PGLYRP4: variants seen among roughly 807,000 people sequenced by gnomAD.
The protein encoded by PGLYRP4 is peptidoglycan recognition protein 4.
In PGLYRP4, 39 loss-of-function variants were observed where a neutral mutation model predicts 41.2. The observed-to-expected ratio is 0.95, with a 90% confidence interval of 0.73 to 1.24. The LOEUF (loss-of-function observed/expected upper bound fraction) is 1.24. Ranked by LOEUF, PGLYRP4 falls within the 50% of genes most tolerant of loss-of-function variation. The pLI is 0.00. For synonymous variants in PGLYRP4, 202 were observed against 186.8 expected (o/e 1.08, Z -0.66); for missense variants, 467 against 460.7 (o/e 1.01, Z -0.13).
chr1:153,337,905 C>T (rs1167323352), intron 7 of PGLYRP4, among the ~76,000 whole-genome samples: 1 of 152,196 alleles, frequency 6.6e-6, no homozygotes, highest in South Asian at 2.1e-4. Flanking sequence ...TAGCTTCCAT[C>T]ACACCACACT....
chr1:153,339,217 C>G (rs1368850439), intron 7 of PGLYRP4, among the ~76,000 whole-genome samples: 1 of 152,192 alleles, frequency 6.6e-6, no homozygotes, highest in Non-Finnish European at 1.5e-5. Flanking sequence ...TTTAGGCTTT[C>G]CAAATTTACA....
chr1:153,334,945 C>T (rs1382184270), intron 8 of PGLYRP4, among the ~76,000 whole-genome samples: 1 of 152,112 alleles, frequency 6.6e-6, no homozygotes, highest in Non-Finnish European at 1.5e-5. Context: ...CGAAAACATA[C>T]ACCAGGGAAA....
chr1:153,339,302 G>T (rs911689952), intron 7 of PGLYRP4, among the ~76,000 whole-genome samples: 21 of 152,234 alleles, frequency 1.4e-4, no homozygotes, highest in Non-Finnish European at 2.6e-4. Context: ...ACCTAGCAAA[G>T]CACTTGGTAG....
chr1:153,332,184 G>C (rs1483504334), intron 8 of PGLYRP4, among the ~76,000 whole-genome samples: 1 of 151,650 alleles, frequency 6.6e-6, no homozygotes, highest in East Asian at 1.9e-4. Flanking sequence ...AAGTAAAACA[G>C]ACTTTAAGTC....
chr1:153,337,420 G>A, intron 7 of PGLYRP4, 121 bp from the exon 8 acceptor site: 1 of 647,450 alleles, frequency 1.5e-6, no homozygotes, highest in East Asian at 2.8e-5. Context: ...TGGATTCTAA[G>A]CACTGGGTTA....
chr1:153,341,855 T>C, intron 5 of PGLYRP4, 76 bp from the exon 6 acceptor site: 1 of 1,452,618 alleles, frequency 6.9e-7, no homozygotes, highest in Non-Finnish European at 9.4e-7. Context: ...GAGAAGATGC[T>C]CTGCCAGCCC....
Position 153,345,348 on chromosome 1 carries a change from G to T in PGLYRP4, c.174C>A (p.Arg58=), listed in dbSNP as rs1660962539. The T allele has an allele frequency of 1.2e-6, 2 of 1,614,190 alleles. No homozygotes were observed. The highest frequency in any genetic ancestry group is 8.5e-7 in the Non-Finnish European group (1 of 1,180,020). Residue 58 remains arginine, a synonymous_variant, in exon 4 of 9, where the codon CGC becomes CGA. Coordinates refer to ENST00000359650, the MANE Select transcript of PGLYRP4 (RefSeq NM_020393.4). ...CAACAGCTTCTGCCCCCCATGCCTTGCGAGAGACCGTGGTGGAGACATCTG... is the reference window on the plus strand; with the variant it reads ...CAACAGCTTCTGCCCCCCATGCCTTTCGAGAGACCGTGGTGGAGACATCTG... ...LPTDVSTTVS[R]KAWGAEAVGC...
At chr1:153,334,467 T>TA (rs59324815) in intron 8 of PGLYRP4, among the ~76,000 whole-genome samples, 54,480 of 140,928 alleles carry the variant, frequency 0.39, 10,899 homozygotes, top group Non-Finnish European at 0.44. Context: ...TATATATTTA[T>TA]TTATATATAT....
At chr1:153,337,328 C>A in intron 7 of PGLYRP4, 29 bp from the exon 8 acceptor site, 1 of 1,330,376 alleles carries the variant, frequency 7.5e-7, no homozygotes, top group Non-Finnish European at 1.1e-6. Flanking sequence ...AGATGGAGAC[C>A]AGCATGAAAT....
chr1:153,331,664 AG>A (rs10707075), intron 8 of PGLYRP4: 64,543 of 151,830 alleles, frequency 0.43, 14,484 homozygotes, highest in Non-Finnish European at 0.51. Flanking sequence ...GGAATGATAC[AG>A]AGAAGATTAG....
chr1:153,344,743 C>A (rs1660931627), intron 4 of PGLYRP4, among the ~76,000 whole-genome samples: 1 of 152,154 alleles, frequency 6.6e-6, no homozygotes, highest in Non-Finnish European at 1.5e-5. Context: ...ATGAAGAGAG[C>A]CAGTTTAGGC....
At chr1:153,346,433 G>A (rs1454655230) in intron 2 of PGLYRP4, among the ~76,000 whole-genome samples, 3 of 151,230 alleles carry the variant, frequency 2.0e-5, no homozygotes, top group Non-Finnish European at 2.9e-5. Context: ...AGTTGGAAAT[G>A]TTATCCTTTT....
In PGLYRP4 at chr1:153,340,420, A is replaced by G; in HGVS notation, c.785T>C (p.Phe262Ser). ...CRLLVRDIQS[F>S]YIDRLKSCDI... ...GCATGACTTGAGCCTGTCTATGTAGAAAGACTGGATGTCCCGGACCAGCAG... is the reference window on the plus strand; with the variant it reads ...GCATGACTTGAGCCTGTCTATGTAGGAAGACTGGATGTCCCGGACCAGCAG... Residue 262 changes from phenylalanine to serine, a missense_variant, in exon 7 of 9, where the codon TTC becomes TCC. Coordinates refer to ENST00000359650, the MANE Select transcript of PGLYRP4 (RefSeq NM_020393.4). 6.2e-7 allele frequency: 1 copy of G among 1,614,182 alleles called. No individual in the cohort carries two copies.
In PGLYRP4 at chr1:153,343,182, A is replaced by T; in HGVS notation, c.380T>A (p.Val127Glu). The change falls in exon 5 of 9, where the codon GTG (valine) becomes GAG (glutamate). Residue 127 changes from valine to glutamate, a missense_variant. Val to Glu is a moderately radical substitution (Grantham distance 121). Transcript: ENST00000359650. Reference protein sequence around the residue: ...YNFLVGDDGRVYEGVGWNIQG... With the variant: ...YNFLVGDDGREYEGVGWNIQG... Reference sequence around the variant, plus strand: ...GATATTCCAGCCAACACCTTCATACACCCTGCCATCATCCCCAACCAGGAA... The same window carrying T: ...GATATTCCAGCCAACACCTTCATACTCCCTGCCATCATCCCCAACCAGGAA... 6.2e-7 allele frequency: 1 copy of T among 1,613,570 alleles called. No homozygotes were observed. The highest frequency in any genetic ancestry group is 1.1e-5 in the South Asian group (1 of 91,060).
rs1437204132 is a variant in PGLYRP4 at position 153,348,564 on chromosome 1, G to A, written c.-83C>T. On this transcript the variant is annotated 5_prime_UTR_variant, in exon 1 of 9. Transcript: ENST00000359650. ...GGTCCTGTGCTGTCCCAGCCCAGCA[G>A]GTCAGGGTGCAGTCAGCTTGCCCCT... The A allele has an allele frequency of 6.6e-6, 1 of 152,448 alleles. No homozygotes were observed. The highest frequency in any genetic ancestry group is 1.5e-5 in the Non-Finnish European group (1 of 68,206). 9.4% of individuals were successfully genotyped at this position (152,448 alleles called of 1,614,324 possible).
chr1:153,346,099 T>G lies in PGLYRP4; in HGVS notation c.139+3A>C. 6.2e-7 allele frequency: 1 copy of G among 1,605,280 alleles called. No individual in the cohort carries two copies. Among genetic ancestry groups the G allele is most frequent in the Non-Finnish European group, 8.5e-7 (1 of 1,171,896 alleles). On this transcript the variant is annotated splice_donor_region_variant and intron_variant, in intron 3 of 8. Transcript: ENST00000359650. ...ACCCCCTTACTATCCAGATCCAGTT[T>G]ACCTTTTTCAGTGAGCTGGGAGATG...
intron 2 of PGLYRP4, among the ~76,000 whole-genome samples, chr1:153,346,862 A>T (rs1661032286): frequency 6.6e-6 from 1 of 152,200 alleles, no homozygotes; most frequent in Non-Finnish European, 1.5e-5. Context: ...TTTAATCCTC[A>T]CAGTGAGTTT....
chr1:153,345,178 A>G lies in PGLYRP4; in HGVS notation c.344T>C (p.Val115Ala). The G allele has an allele frequency of 6.2e-7, 1 of 1,609,600 alleles. No individual in the cohort carries two copies. The highest frequency in any genetic ancestry group is 8.5e-7 in the Non-Finnish European group (1 of 1,178,080). The change falls in exon 4 of 9, where the codon GTG becomes GCG. Residue 115 changes from valine (V) to alanine (A), a missense_variant. Coordinates refer to ENST00000359650, the MANE Select transcript of PGLYRP4 (RefSeq NM_020393.4). ...CAGACCCAGCTCTTACTTGTAGGCC[A>G]CATCACACCCACTGTTGTTGTGGAC... Reference protein sequence around the residue: ...HHVHNNSGCDVAYNFLVGDDG... With the variant: ...HHVHNNSGCDAAYNFLVGDDG...
intron 8 of PGLYRP4, among the ~76,000 whole-genome samples, chr1:153,332,977 A>C (rs1275642032): frequency 6.6e-6 from 1 of 152,108 alleles, no homozygotes. Flanking sequence ...AGAAAATAGA[A>C]AATCTAGAAC....
Sources: gnomAD v4.1 joint callset for allele counts (sites outside exome capture counted in the v4.1 genomes callset) on GRCh38, gnomAD v4.1.1 for gene constraint, MANE v1.5 for transcripts, NCBI Gene and HGNC (gene_info 2026-07-23, HGNC 2026-07-21) for gene names.